Variants in CDH8 observed in about 807,000 individuals in gnomAD.
CDH8 encodes the protein cadherin-8.
Under a neutral mutation model 68.1 loss-of-function variants are expected in CDH8, and 17 were observed. The observed-to-expected ratio is 0.25, with a 90% CI of 0.17 to 0.37. The LOEUF is 0.37. Ranked by LOEUF, CDH8 falls within the 10% of genes least tolerant of loss-of-function variation. The pLI, the probability that CDH8 is intolerant of heterozygous loss-of-function variation, is 1.00. For missense variants in CDH8, 763 were observed against 999.3 expected (o/e 0.76, Z 3.19); for synonymous variants, 372 against 365.1 (o/e 1.02, Z -0.21).
At chr16:61,766,217 C>T (rs1035647773) in intron 8 of CDH8, among the ~76,000 whole-genome samples, 17 of 151,338 alleles carry the variant, frequency 1.1e-4, no homozygotes, top group African/African-American at 3.6e-4. Flanking sequence ...AGCTTAGCTG[C>T]CACTTATAAG....
At chr16:61,709,006 A>C (rs965513189) in intron 10 of CDH8, among the ~76,000 whole-genome samples, 1 of 152,162 alleles carries the variant, frequency 6.6e-6, no homozygotes, top group Non-Finnish European at 1.5e-5. Context: ...AAATATATTA[A>C]GATATTAACT....
At chr16:61,744,006 T>G (rs747478923) in intron 8 of CDH8, among the ~76,000 whole-genome samples, 3 of 152,202 alleles carry the variant, frequency 2.0e-5, no homozygotes, top group Non-Finnish European at 4.4e-5. Flanking sequence ...AACTTAATGC[T>G]ACTGCTCAGA....
chr16:61,858,636 C>G (rs1397798204), intron 3 of CDH8, among the ~76,000 whole-genome samples: 1 of 152,146 alleles, frequency 6.6e-6, no homozygotes, highest in Admixed American at 6.6e-5. Flanking sequence ...GCTAAACTTT[C>G]ACTGGAGAGC....
chr16:61,837,042 C>A (rs1962583523), intron 4 of CDH8, among the ~76,000 whole-genome samples: 1 of 151,906 alleles, frequency 6.6e-6, no homozygotes, highest in South Asian at 2.1e-4. Context: ...TTTTTGAAAT[C>A]CTCCTACATT....
At chr16:61,740,367 T>C (rs1386914343) in intron 8 of CDH8, among the ~76,000 whole-genome samples, 1 of 152,208 alleles carries the variant, frequency 6.6e-6, no homozygotes, top group Non-Finnish European at 1.5e-5. Flanking sequence ...TATATGATGG[T>C]GACTTCCTTA....
Position 61,959,497 on chromosome 16 carries a change from G to A in CDH8, c.253-58024C>T, listed in dbSNP as rs543725394. Among the ~76,000 whole-genome samples, 7 of 149,992 alleles carry A rather than the reference G, an allele frequency of 4.7e-5. No homozygotes were observed. In the East Asian group the frequency reaches 5.9e-4, roughly 13 times the overall value. On this transcript the variant is annotated intron_variant, in intron 2 of 11. Transcript: ENST00000577390. ...ACCTGTGGGACTCTACTGGTTACTCGCAAAAGCCAGCCCTGCCTTATCCTC... is the reference window on the plus strand; with the variant it reads ...ACCTGTGGGACTCTACTGGTTACTCACAAAAGCCAGCCCTGCCTTATCCTC...
chr16:61,888,719 A>G (rs936272696), intron 3 of CDH8, among the ~76,000 whole-genome samples: 4 of 152,210 alleles, frequency 2.6e-5, no homozygotes, highest in African/African-American at 9.6e-5. Flanking sequence ...TTAATTAGTC[A>G]TTATGTTAAC....
At chr16:61,855,509 C>T (rs1380702885) in intron 4 of CDH8, among the ~76,000 whole-genome samples, 1 of 151,952 alleles carries the variant, frequency 6.6e-6, no homozygotes, top group Non-Finnish European at 1.5e-5. Context: ...ATTTTTTTCT[C>T]CCTATATTTA....
At chr16:61,657,303 T>G (rs1343737088) in intron 10 of CDH8, among the ~76,000 whole-genome samples, 1 of 152,106 alleles carries the variant, frequency 6.6e-6, no homozygotes, top group East Asian at 1.9e-4. Context: ...TTCTCCAAAA[T>G]GGATATATAG....
intron 4 of CDH8, among the ~76,000 whole-genome samples, chr16:61,827,782 A>G (rs1962372554): frequency 6.6e-6 from 1 of 151,782 alleles, no homozygotes; most frequent in East Asian, 2.0e-4. Flanking sequence ...TGACTCTTGA[A>G]CAACACGGGA....
chr16:61,849,317 A>G (rs1597016200), intron 4 of CDH8, among the ~76,000 whole-genome samples: 1 of 150,674 alleles, frequency 6.6e-6, no homozygotes, highest in Admixed American at 6.6e-5. Flanking sequence ...TTACTGCATT[A>G]AAAGAAAAAA....
At chr16:61,655,848 G>T (rs553486677) in intron 10 of CDH8, 127 bp from the exon 11 acceptor site, 4 of 770,358 alleles carry the variant, frequency 5.2e-6, no homozygotes, top group Non-Finnish European at 8.1e-6. Context: ...GACTGCTCAG[G>T]CTTTTTCCCT....
chr16:61,978,940 G>C (rs1567554143), intron 2 of CDH8, among the ~76,000 whole-genome samples: 2 of 151,130 alleles, frequency 1.3e-5, no homozygotes, highest in Non-Finnish European at 2.9e-5. Flanking sequence ...GCAAAGTGGA[G>C]AACCGCAGGC....
chr16:61,763,626 G>A (rs568561113), intron 8 of CDH8, among the ~76,000 whole-genome samples: 3 of 152,176 alleles, frequency 2.0e-5, no homozygotes, highest in South Asian at 2.1e-4. Context: ...AGAATCAAGC[G>A]TTACCTGGTT....
chr16:61,659,435 G>T (rs537710415), intron 10 of CDH8, among the ~76,000 whole-genome samples: 3 of 152,244 alleles, frequency 2.0e-5, no homozygotes. Flanking sequence ...ACGATTTTCT[G>T]GGGGAAAGGT....
chr16:61,827,261 C>T (rs934714152), intron 4 of CDH8, among the ~76,000 whole-genome samples: 1 of 151,824 alleles, frequency 6.6e-6, no homozygotes, highest in African/African-American at 2.4e-5. Context: ...AATGCTTGTA[C>T]CACCACATTC....
chr16:61,823,218 G>C (rs1049758012), intron 5 of CDH8, among the ~76,000 whole-genome samples: 9 of 151,740 alleles, frequency 5.9e-5, no homozygotes, highest in Admixed American at 5.3e-4. Context: ...AATTTCTTCA[G>C]ATAAATCATC....
intron 2 of CDH8, among the ~76,000 whole-genome samples, chr16:61,969,685 T>C (rs1965307925): frequency 6.6e-6 from 1 of 152,210 alleles, no homozygotes; most frequent in Admixed American, 6.5e-5. Context: ...TGGAATAAGA[T>C]GTGTATAGTC....
chr16:62,028,922 G>A (rs896119544), intron 1 of CDH8, among the ~76,000 whole-genome samples: 4 of 152,230 alleles, frequency 2.6e-5, no homozygotes, highest in Non-Finnish European at 4.4e-5. Context: ...ACAACATTTC[G>A]TGCAGGTCCT....
Sources: allele counts gnomAD v4.1 joint callset (sites outside exome capture counted in the v4.1 genomes callset), GRCh38; gene constraint gnomAD v4.1.1; transcripts MANE v1.5; gene names NCBI Gene and HGNC (gene_info 2026-07-23, HGNC 2026-07-21).